NCKAP5: variants seen among roughly 807,000 people sequenced by gnomAD.
NCKAP5 encodes the protein NCK associated protein 5.
A neutral mutation model predicts 167.0 loss-of-function variants in NCKAP5; 92 were observed. The ratio of observed to expected loss-of-function variants is 0.55; its 90% CI spans 0.47 to 0.66. The LOEUF is 0.66. NCKAP5 is among the 30% of genes least tolerant of loss of function. The pLI, the probability that NCKAP5 is intolerant of heterozygous loss-of-function variation, is 0.00. For missense variants in NCKAP5, 2,378 were observed against 2,315.0 expected (o/e 1.03, Z -0.56); for synonymous variants, 891 against 877.4 (o/e 1.02, Z -0.27).
Position 132,790,053 on chromosome 2 carries a change from C to T in NCKAP5, c.1062G>A (p.Thr354=), listed in dbSNP as rs374140536. 1.2e-5 allele frequency: 19 copies of T among 1,612,802 alleles called. No homozygotes were observed. Among genetic ancestry groups the T allele is most frequent in the East Asian group, 6.7e-5 (3 of 44,854 alleles). The part of the protein sequence containing the change: ...CSEYSSGSSY[T]WHDGKNLRKR... ...TCCTGAGGTTCTTCCCATCGTGCCA[C>T]GTGTAGGAGGAGCCACTGGAGTACT... Residue 354 remains threonine (T), a synonymous_variant, in exon 13 of 20, where the codon ACG becomes ACA. Coordinates refer to ENST00000409261, the MANE Select transcript of NCKAP5 (RefSeq NM_207363.3).
the NCKAP5 span, among the ~76,000 whole-genome samples, chr2:133,612,505 C>T: frequency 6.6e-6 from 1 of 152,082 alleles, no homozygotes. Flanking sequence ...GTTTGGTCTC[C>T]CAAATAATAT....
intron 16 of NCKAP5, 84 bp from the exon 17 acceptor site, chr2:132,732,135 T>G: frequency 7.6e-7 from 1 of 1,321,396 alleles, no homozygotes; most frequent in Non-Finnish European, 1.0e-6. Flanking sequence ...GGGTATGATC[T>G]GGAGGAAAGG....
At chr2:132,958,074 C>T (rs1205306268) in intron 8 of NCKAP5, among the ~76,000 whole-genome samples, 3 of 152,150 alleles carry the variant, frequency 2.0e-5, no homozygotes, top group Admixed American at 6.6e-5. Flanking sequence ...AATCAGTTGG[C>T]CTTATGTCAA....
At chr2:133,201,958 G>A (rs1347514384) in intron 5 of NCKAP5, among the ~76,000 whole-genome samples, 1 of 152,088 alleles carries the variant, frequency 6.6e-6, no homozygotes, top group Non-Finnish European at 1.5e-5. Context: ...TGGCCATACT[G>A]CCCAAGGTAA....
intron 3 of NCKAP5, among the ~76,000 whole-genome samples, chr2:133,497,446 A>G (rs997810434): frequency 3.1e-4 from 47 of 152,180 alleles, no homozygotes; most frequent in Non-Finnish European, 4.4e-4. Flanking sequence ...GGAGCAAGCT[A>G]TGAATGGGCT....
intron 6 of NCKAP5, among the ~76,000 whole-genome samples, chr2:133,059,143 C>CA (rs2079903422): frequency 1.3e-5 from 2 of 151,544 alleles, no homozygotes; most frequent in African/African-American, 2.4e-5. Flanking sequence ...ACTAAAAATA[C>CA]AAAAAAATTA....
At chr2:133,590,346 GAAACCCCGTCTC>G in the NCKAP5 span, among the ~76,000 whole-genome samples, 1 of 21,128 alleles carries the variant, frequency 4.7e-5, no homozygotes, top group Non-Finnish European at 7.3e-5. Context: ...CCAACACGGT[GAAACCCCGTCTC>G]TACTAAAAAT....
chr2:133,014,441 G>A (rs2078265832), intron 6 of NCKAP5, among the ~76,000 whole-genome samples: 1 of 152,172 alleles, frequency 6.6e-6, no homozygotes, highest in African/African-American at 2.4e-5. Flanking sequence ...GATTCCTGCT[G>A]CATTTTAAAA....
chr2:133,655,688 T>C, the NCKAP5 span, among the ~76,000 whole-genome samples: 1 of 152,242 alleles, frequency 6.6e-6, no homozygotes. Flanking sequence ...TAATAGGCAA[T>C]GCAACCAGTG....
At chr2:133,155,551 T>C (rs951386696) in intron 5 of NCKAP5, among the ~76,000 whole-genome samples, 1 of 152,226 alleles carries the variant, frequency 6.6e-6, no homozygotes, top group African/African-American at 2.4e-5. Context: ...TGGTGATTAA[T>C]GTTATGTGTC....
intron 11 of NCKAP5, among the ~76,000 whole-genome samples, chr2:132,829,835 G>T (rs2105360104): frequency 6.6e-6 from 1 of 152,302 alleles, no homozygotes; most frequent in Non-Finnish European, 1.5e-5. Flanking sequence ...CTGATTCTGA[G>T]AAACTTTTCA....
intron 6 of NCKAP5, among the ~76,000 whole-genome samples, chr2:133,104,684 G>T (rs1472964731): frequency 1.3e-5 from 2 of 152,080 alleles, no homozygotes; most frequent in African/African-American, 4.8e-5. Flanking sequence ...ACCTACTTAT[G>T]CAATAACAAA....
chr2:132,874,647 TAACTC>T (rs1412504621), intron 9 of NCKAP5, among the ~76,000 whole-genome samples: 3 of 152,062 alleles, frequency 2.0e-5, no homozygotes, highest in Non-Finnish European at 2.9e-5. Context: ...GGTTGGAAAA[TAACTC>T]AACTCCACCG....
the NCKAP5 span, among the ~76,000 whole-genome samples, chr2:133,625,397 T>C: frequency 6.6e-6 from 1 of 152,152 alleles, no homozygotes; most frequent in South Asian, 2.1e-4. Context: ...TTGAGCTTTC[T>C]AAGTAACAAT....
At chr2:132,786,486 C>T (rs1209657757) in intron 13 of NCKAP5, among the ~76,000 whole-genome samples, 1 of 152,172 alleles carries the variant, frequency 6.6e-6, no homozygotes, top group Admixed American at 6.5e-5. Context: ...GCTGTTAGAA[C>T]CTGACAGTAA....
At chr2:133,306,244 A>G (rs1680769168) in intron 3 of NCKAP5, among the ~76,000 whole-genome samples, 1 of 152,244 alleles carries the variant, frequency 6.6e-6, no homozygotes, top group Non-Finnish European at 1.5e-5. Context: ...GCAAGTACAT[A>G]CAGGAGGTTA....
intron 3 of NCKAP5, among the ~76,000 whole-genome samples, chr2:133,425,904 C>T (rs114135118): frequency 0.026 from 3,997 of 152,104 alleles, 85 homozygotes; most frequent in Middle Eastern, 0.044. Context: ...CTGAAGTGAA[C>T]GAGGAAAAGG....
intron 3 of NCKAP5, among the ~76,000 whole-genome samples, chr2:133,413,512 T>C (rs1688906828): frequency 6.6e-6 from 1 of 152,062 alleles, no homozygotes; most frequent in South Asian, 2.1e-4. Flanking sequence ...TGTGATGTTA[T>C]CATTAGGGGA....
At chr2:133,631,175 T>C in the NCKAP5 span, among the ~76,000 whole-genome samples, 2 of 152,322 alleles carry the variant, frequency 1.3e-5, no homozygotes, top group South Asian at 4.1e-4. Context: ...ACGTAAAGTA[T>C]GATTTTCAAT....
Sources: gnomAD v4.1 joint callset for allele counts (sites outside exome capture counted in the v4.1 genomes callset) on GRCh38, gnomAD v4.1.1 for gene constraint, MANE v1.5 for transcripts, NCBI Gene and HGNC (gene_info 2026-07-23, HGNC 2026-07-21) for gene names.